PARD3: variants seen among roughly 807,000 people sequenced by gnomAD.
PARD3 encodes partitioning defective 3 homolog.
In PARD3, 75 loss-of-function variants were observed where a neutral mutation model predicts 155.4. The observed-to-expected ratio is 0.48, with a 90% CI of 0.40 to 0.58. PARD3 has a LOEUF of 0.58. PARD3 is among the 20% of genes least tolerant of loss of function. The pLI is 0.00. For missense variants in PARD3, 1,642 were observed against 1,721.7 expected (o/e 0.95, Z 0.82); for synonymous variants, 576 against 610.5 (o/e 0.94, Z 0.83).
intron 2 of PARD3, among the ~76,000 whole-genome samples, chr10:34,581,565 A>T (rs2087491464): frequency 6.6e-6 from 1 of 152,276 alleles, no homozygotes; most frequent in East Asian, 1.9e-4. Context: ...ATTTTTGTTA[A>T]AAACCATTGC....
intron 20 of PARD3, 147 bp downstream of exon 20, chr10:34,316,960 C>T: frequency 1.8e-6 from 1 of 549,210 alleles, no homozygotes; most frequent in Non-Finnish European, 3.0e-6. Context: ...GATTTGGAAT[C>T]CTGGGCTCCA....
At chr10:34,652,633 C>T (rs1026867052) in intron 2 of PARD3, among the ~76,000 whole-genome samples, 4 of 152,128 alleles carry the variant, frequency 2.6e-5, no homozygotes, top group African/African-American at 7.2e-5. Context: ...CTGAAATGCA[C>T]GCTGTTTGGG....
chr10:34,805,576 A>C (rs1047432472), intron 1 of PARD3, among the ~76,000 whole-genome samples: 23 of 128,020 alleles, frequency 1.8e-4, no homozygotes, highest in African/African-American at 5.9e-4. Context: ...TACACCGTAC[A>C]GTTCGTATCA....
chr10:34,412,099 A>C (rs1283814074), intron 5 of PARD3, among the ~76,000 whole-genome samples: 5 of 152,076 alleles, frequency 3.3e-5, no homozygotes, highest in African/African-American at 1.2e-4. Flanking sequence ...AGTGGCTAGG[A>C]CTAAAGGTGT....
intron 3 of PARD3, among the ~76,000 whole-genome samples, chr10:34,512,526 G>A (rs918056635): frequency 1.3e-5 from 2 of 152,090 alleles, no homozygotes; most frequent in Non-Finnish European, 2.9e-5. Context: ...TCCTGTACAG[G>A]CTTGCATTCA....
chr10:34,634,341 G>C (rs2092391087), intron 2 of PARD3, among the ~76,000 whole-genome samples: 2 of 152,176 alleles, frequency 1.3e-5, no homozygotes, highest in African/African-American at 4.8e-5. Context: ...TTGTGCGTGT[G>C]GGTGTGCTTA....
chr10:34,472,366 C>T (rs934498150), intron 3 of PARD3, among the ~76,000 whole-genome samples: 5 of 152,018 alleles, frequency 3.3e-5, no homozygotes. Context: ...AGAACAAGGT[C>T]GCAAAAATAC....
At chr10:34,558,620 A>T (rs1043953372) in intron 2 of PARD3, among the ~76,000 whole-genome samples, 1 of 152,254 alleles carries the variant, frequency 6.6e-6, no homozygotes, top group African/African-American at 2.4e-5. Context: ...CCTTTACTCC[A>T]ATTATTAATT....
chr10:34,521,064 G>A (rs1240931725), intron 2 of PARD3, among the ~76,000 whole-genome samples: 1 of 152,058 alleles, frequency 6.6e-6, no homozygotes, highest in Non-Finnish European at 1.5e-5. Context: ...CTCAAGAATC[G>A]AGTCCTTTCT....
At chr10:34,497,020 A>G (rs2080340062) in intron 3 of PARD3, among the ~76,000 whole-genome samples, 1 of 152,234 alleles carries the variant, frequency 6.6e-6, no homozygotes, top group Non-Finnish European at 1.5e-5. Flanking sequence ...AAGACTAGCC[A>G]TAAATTAATA....
chr10:34,605,318 G>A (rs577117736), intron 2 of PARD3, among the ~76,000 whole-genome samples: 4 of 143,964 alleles, frequency 2.8e-5, no homozygotes, highest in South Asian at 2.2e-4. Context: ...TCAGCCTCCC[G>A]AGTAGCTGGG....
At chr10:34,556,555 T>C (rs1019920928) in intron 2 of PARD3, among the ~76,000 whole-genome samples, 6 of 152,008 alleles carry the variant, frequency 3.9e-5, no homozygotes, top group South Asian at 2.1e-4. Context: ...GCTAATTTTT[T>C]GTATTTTTAG....
At chr10:34,587,058 G>A (rs2088135029) in intron 2 of PARD3, among the ~76,000 whole-genome samples, 1 of 152,168 alleles carries the variant, frequency 6.6e-6, no homozygotes, top group South Asian at 2.1e-4. Flanking sequence ...CCCAGCATGG[G>A]TAGACATGGT....
At chr10:34,384,378 T>C (rs745445750) in intron 7 of PARD3, 124 bp from the exon 8 acceptor site, 425 of 892,958 alleles carry the variant, frequency 4.8e-4, no homozygotes, top group Middle Eastern at 6.3e-4. Flanking sequence ...TTAAAATGAC[T>C]ATTCATACAT....
intron 19 of PARD3, among the ~76,000 whole-genome samples, chr10:34,318,397 A>G (rs1200028574): frequency 6.6e-6 from 1 of 152,200 alleles, no homozygotes; most frequent in East Asian, 1.9e-4. Flanking sequence ...TTTTTCCAGC[A>G]TCAACAAAGA....
At chr10:34,161,044 C>T (rs536798581) in intron 22 of PARD3, among the ~76,000 whole-genome samples, 34 of 152,126 alleles carry the variant, frequency 2.2e-4, no homozygotes, top group African/African-American at 6.5e-4. Flanking sequence ...AAGTTTGAGA[C>T]CAGCCTAGGC....
At chr10:34,210,438 G>A (rs1243315750) in intron 22 of PARD3, among the ~76,000 whole-genome samples, 1 of 152,008 alleles carries the variant, frequency 6.6e-6, no homozygotes, top group Non-Finnish European at 1.5e-5. Flanking sequence ...GAGTGGCGAT[G>A]GGGAGTATTT....
chr10:34,240,889 A>G (rs1370481403), intron 22 of PARD3, among the ~76,000 whole-genome samples: 1 of 152,114 alleles, frequency 6.6e-6, no homozygotes, highest in East Asian at 1.9e-4. Flanking sequence ...CACCAAACAA[A>G]GAGACGCTCA....
chr10:34,297,564 C>G lies in PARD3; in HGVS notation c.3066-13319G>C, dbSNP rs148687713. On this transcript the variant is annotated intron_variant, in intron 20 of 24. Transcript: ENST00000374788. ...CCTCCTCCATTTCCAGGTAGCTACT[C>G]TAGTCTACCTCAGTTTGGAAGCCCA... Among the ~76,000 whole-genome samples, 12 of 152,318 alleles carry G rather than the reference C, an allele frequency of 7.9e-5. No homozygotes were observed. The East Asian group carries it at 2.1e-3, about 27-fold the overall frequency.
Sources: allele counts gnomAD v4.1 joint callset (sites outside exome capture counted in the v4.1 genomes callset), GRCh38; gene constraint gnomAD v4.1.1; transcripts MANE v1.5; gene names NCBI Gene and HGNC (gene_info 2026-07-23, HGNC 2026-07-21).